The following IKZF3 variants were observed in gnomAD, a reference collection of about 807,000 sequenced individuals.
The protein encoded by IKZF3 is zinc finger protein Aiolos.
In IKZF3, 10 loss-of-function variants were observed where a neutral mutation model predicts 49.0. That is an observed-to-expected ratio of 0.20 (90% confidence interval 0.13 to 0.35). The LOEUF (loss-of-function observed/expected upper bound fraction) is 0.35. IKZF3 is among the 10% of genes least tolerant of loss of function. The pLI is 1.00. For missense variants in IKZF3, 498 were observed against 664.8 expected (o/e 0.75, Z 2.76); for synonymous variants, 209 against 228.2 (o/e 0.92, Z 0.76).
chr17:39,856,623 T>G (rs2063068304), intron 1 of IKZF3, among the ~76,000 whole-genome samples: 1 of 151,928 alleles, frequency 6.6e-6, no homozygotes, highest in African/African-American at 2.4e-5. Context: ...CTGGCCAACA[T>G]GGTGAAATAC....
intron 3 of IKZF3, among the ~76,000 whole-genome samples, chr17:39,810,750 T>C (rs2144094248): frequency 6.6e-6 from 1 of 152,254 alleles, no homozygotes; most frequent in Admixed American, 6.5e-5. Flanking sequence ...ACAATATAGG[T>C]ATATTATAAT....
chr17:39,863,555 G>T (rs1338347619), intron 1 of IKZF3, among the ~76,000 whole-genome samples: 4 of 152,164 alleles, frequency 2.6e-5, no homozygotes, highest in Non-Finnish European at 5.9e-5. Flanking sequence ...TGAGAAGCAA[G>T]GATAGTGTTA....
In IKZF3 at chr17:39,832,159, G is replaced by C. The variant is rs1461923699; in HGVS notation, c.8-8C>G. On this transcript the variant is annotated splice_polypyrimidine_tract_variant and splice_region_variant and intron_variant, in intron 1 of 7. Coordinates refer to ENST00000346872, the MANE Select transcript of IKZF3 (RefSeq NM_012481.5). ...CCGCATTTGTTTGTATATCTGAAAA[G>C]AAAGAGGTTATAAATATTAGCTACT... 6.2e-7 allele frequency: 1 copy of C among 1,607,394 alleles called. No homozygotes were observed. The highest frequency in any genetic ancestry group is 1.3e-5 in the African/African-American group (1 of 74,712).
intron 1 of IKZF3, among the ~76,000 whole-genome samples, chr17:39,852,401 T>C (rs2062903680): frequency 6.6e-6 from 1 of 152,196 alleles, no homozygotes; most frequent in African/African-American, 2.4e-5. Flanking sequence ...GCAAGTGTTA[T>C]GTTGCCAAAA....
At chr17:39,803,647 G>A (rs2061371443) in intron 3 of IKZF3, among the ~76,000 whole-genome samples, 1 of 151,822 alleles carries the variant, frequency 6.6e-6, no homozygotes, top group South Asian at 2.1e-4. Context: ...CGGAGTAGCT[G>A]GGATTACAGG....
chr17:39,792,491 C>T (rs997837006), intron 4 of IKZF3, among the ~76,000 whole-genome samples, 182 bp downstream of exon 4: 2 of 152,090 alleles, frequency 1.3e-5, no homozygotes, highest in African/African-American at 4.8e-5. Flanking sequence ...AATATGTTTG[C>T]CAAATGCATG....
intron 3 of IKZF3, among the ~76,000 whole-genome samples, chr17:39,808,049 T>G (rs2061472400): frequency 6.6e-6 from 1 of 152,152 alleles, no homozygotes; most frequent in African/African-American, 2.4e-5. Flanking sequence ...TAAAAAGAAA[T>G]CTATACAGAT....
intron 3 of IKZF3, among the ~76,000 whole-genome samples, chr17:39,803,033 C>A (rs1040972088): frequency 1.3e-5 from 2 of 152,068 alleles, no homozygotes; most frequent in Non-Finnish European, 2.9e-5. Context: ...CAGTGCAATT[C>A]TTTGCTTCCC....
At chr17:39,786,102 G>A (rs1428119648) in intron 6 of IKZF3, among the ~76,000 whole-genome samples, 3 of 152,226 alleles carry the variant, frequency 2.0e-5, no homozygotes, top group Non-Finnish European at 2.9e-5. Flanking sequence ...TGCTTTTGCG[G>A]ATGGTGATAA....
chr17:39,795,941 C>A (rs1188566527), intron 3 of IKZF3, among the ~76,000 whole-genome samples: 1 of 151,866 alleles, frequency 6.6e-6, no homozygotes, highest in Non-Finnish European at 1.5e-5. Context: ...ACTGGGGAGG[C>A]TGAGGCAGGA....
At chr17:39,784,691 C>T (rs1299356943) in intron 6 of IKZF3, among the ~76,000 whole-genome samples, 1 of 152,216 alleles carries the variant, frequency 6.6e-6, no homozygotes, top group Admixed American at 6.5e-5. Context: ...CGCGACCCAC[C>T]GCGCCCGGCC....
intron 1 of IKZF3, among the ~76,000 whole-genome samples, chr17:39,850,754 CTATATAT>C (rs1382862465): frequency 1.3e-5 from 1 of 74,716 alleles, no homozygotes; most frequent in Non-Finnish European, 2.4e-5. Flanking sequence ...AGTATATATA[CTATATAT>C]TATATATAAT....
chr17:39,846,292 C>G (rs1367128504), intron 1 of IKZF3, among the ~76,000 whole-genome samples: 4 of 152,162 alleles, frequency 2.6e-5, no homozygotes, highest in African/African-American at 9.7e-5. Flanking sequence ...TTCCACAGCA[C>G]TCTCCCATTC....
chr17:39,833,025 A>T (rs1004244465), intron 1 of IKZF3, among the ~76,000 whole-genome samples: 2 of 152,088 alleles, frequency 1.3e-5, no homozygotes, highest in African/African-American at 2.4e-5. Flanking sequence ...AAAAAATTTT[A>T]AAAAAAGAAC....
chr17:39,863,094 T>C (rs1378159627), intron 1 of IKZF3, among the ~76,000 whole-genome samples: 1 of 152,178 alleles, frequency 6.6e-6, no homozygotes, highest in Non-Finnish European at 1.5e-5. Flanking sequence ...AGCCCAACTT[T>C]TTTTCCTTGT....
chr17:39,859,191 A>G (rs1435391552), intron 1 of IKZF3, among the ~76,000 whole-genome samples: 1 of 151,996 alleles, frequency 6.6e-6, no homozygotes, highest in Non-Finnish European at 1.5e-5. Flanking sequence ...TAGACTGAAA[A>G]AATAACCTCA....
chr17:39,828,039 CT>C (rs1303289343), intron 3 of IKZF3, among the ~76,000 whole-genome samples: 5 of 152,158 alleles, frequency 3.3e-5, no homozygotes. Context: ...GATGACTATT[CT>C]TTTTTTCCTT....
intron 3 of IKZF3, among the ~76,000 whole-genome samples, chr17:39,810,855 T>A (rs1310351451): frequency 1.3e-5 from 2 of 152,226 alleles, no homozygotes; most frequent in African/African-American, 4.8e-5. Context: ...GAAAATTTGA[T>A]AAAAGAAATT....
At position 39,855,239 on chromosome 17, in the gene IKZF3, CA is replaced by C. The variant is rs533858191; in HGVS notation, c.7+8880del. ...TTTTGGTATAAACGGTGTCCTGTTGCAAAAAAAACAAGTTTTTGTCTTGTTT... is the reference window on the plus strand; with the variant it reads ...TTTTGGTATAAACGGTGTCCTGTTGCAAAAAAACAAGTTTTTGTCTTGTTT... On this transcript the variant is annotated intron_variant, in intron 1 of 7. Coordinates refer to ENST00000346872, the MANE Select transcript of IKZF3 (RefSeq NM_012481.5). 7.7e-3 allele frequency among the ~76,000 whole-genome samples: 1,153 copies of C among 150,492 alleles called. 6 individuals are homozygous for C. Among genetic ancestry groups the C allele is most frequent in the South Asian group, 0.014 (66 of 4,784 alleles).
Sources: gnomAD v4.1 joint callset for allele counts (sites outside exome capture counted in the v4.1 genomes callset) on GRCh38, gnomAD v4.1.1 for gene constraint, MANE v1.5 for transcripts, NCBI Gene and HGNC (gene_info 2026-07-23, HGNC 2026-07-21) for gene names.